The following INSC variants were observed in gnomAD, a reference collection of about 807,000 sequenced individuals.
INSC encodes INSC spindle orientation adaptor protein.
Under a neutral mutation model 58.6 loss-of-function variants are expected in INSC, and 67 were observed. That is an observed-to-expected ratio of 1.14 (90% CI 0.94 to 1.40). The LOEUF (loss-of-function observed/expected upper bound fraction) is 1.40, where lower values mean the gene tolerates loss of function less well. Among genes scored for constraint, INSC ranks in the 40% most tolerant of loss-of-function variants. The pLI is 0.00. For synonymous variants in INSC, 262 were observed against 276.1 expected, an observed-to-expected ratio of 0.95 and a Z score of 0.51; for missense variants, 714 against 692.0, an observed-to-expected ratio of 1.03 and a Z score of -0.36.
chr11:15,240,392 T>G, intron 11 of INSC, 55 bp from the exon 12 acceptor site: 1 of 1,495,484 alleles, frequency 6.7e-7, no homozygotes, highest in South Asian at 1.1e-5. Context: ...AACCTCTGGG[T>G]CAGGCCTGGC....
At chr11:15,153,669 A>T (rs992130670) in intron 2 of INSC, among the ~76,000 whole-genome samples, 1 of 152,244 alleles carries the variant, frequency 6.6e-6, no homozygotes, top group Admixed American at 6.5e-5. Context: ...GCAGAGGGAC[A>T]ATGATTCAAT....
chr11:15,211,806 C>T (rs906842929), intron 7 of INSC, among the ~76,000 whole-genome samples: 1 of 151,690 alleles, frequency 6.6e-6, no homozygotes, highest in Non-Finnish European at 1.5e-5. Flanking sequence ...TGAAGTGATA[C>T]CTTTTTCTTT....
the INSC span, among the ~76,000 whole-genome samples, chr11:15,254,258 A>T: frequency 2.0e-5 from 3 of 152,188 alleles, no homozygotes; most frequent in African/African-American, 4.8e-5. Flanking sequence ...GAAAGTAGGG[A>T]CTTAGTACCA....
At chr11:15,125,865 G>A (rs1847982707) in intron 1 of INSC, among the ~76,000 whole-genome samples, 1 of 152,118 alleles carries the variant, frequency 6.6e-6, no homozygotes, top group Admixed American at 6.5e-5. Context: ...TGTTTTAGGA[G>A]CCCTATGGGC....
chr11:15,184,595 C>T (rs1433298315), intron 5 of INSC: 4 of 152,606 alleles, frequency 2.6e-5, no homozygotes, highest in Non-Finnish European at 4.4e-5. Flanking sequence ...GGGGTTTCAC[C>T]ATGTTGGCCA....
chr11:15,230,898 A>G (rs1792543), intron 9 of INSC, among the ~76,000 whole-genome samples: 83,402 of 151,972 alleles, frequency 0.55, 24,343 homozygotes, highest in East Asian at 0.88. Context: ...CAGTCTTGCC[A>G]CTTTAGTAGT....
chr11:15,236,382 T>G (rs996769385), intron 10 of INSC, among the ~76,000 whole-genome samples: 3 of 152,162 alleles, frequency 2.0e-5, no homozygotes, highest in African/African-American at 7.2e-5. Context: ...AATCTATTCC[T>G]ACCAAGGGAT....
In INSC at chr11:15,235,632, C is replaced by G; in HGVS notation, c.1201C>G (p.Leu401Val). 6.2e-7 allele frequency: 1 copy of G among 1,614,020 alleles called. No individual in the cohort carries two copies. The highest frequency in any genetic ancestry group is 1.1e-5 in the South Asian group (1 of 91,074). ...IVTILANMSV[L>V]EQCASDIIQE... Reference sequence around the variant, plus strand: ...GACCATCTTGGCAAACATGTCTGTCCTAGAACAGTGTGCCTCTGACATCAT... The same window carrying G: ...GACCATCTTGGCAAACATGTCTGTCGTAGAACAGTGTGCCTCTGACATCAT... The change falls in exon 10 of 13, where the codon CTA becomes GTA. Residue 401 changes from leucine to valine, a missense_variant. Physicochemically the swap from Leu to Val is conservative, Grantham distance 32 (BLOSUM62 1). Coordinates refer to ENST00000379556, the MANE Select transcript of INSC (RefSeq NM_001042536.3).
rs116039991 is a variant in INSC at position 15,143,768 on chromosome 11, A to C, written c.-45-5362A>C. ...CAGGGAGGCAGTCATGAATGAAAAA[A>C]ATATGATGAGGGAAAGGGATGTATC... is the stretch of plus-strand genomic sequence containing the variant. On this transcript the variant is annotated intron_variant, in intron 1 of 12. Transcript: ENST00000379556. 5.4e-3 allele frequency among the ~76,000 whole-genome samples: 822 copies of C among 152,278 alleles called. 6 individuals carry two copies. Among genetic ancestry groups the C allele is most frequent in the African/African-American group, 0.018 (742 of 41,548 alleles).
intron 9 of INSC, among the ~76,000 whole-genome samples, chr11:15,233,703 TCCTTCCTTTACCTC>T (rs1852012326): frequency 6.6e-6 from 1 of 151,664 alleles, no homozygotes; most frequent in Non-Finnish European, 1.5e-5. Flanking sequence ...TGTCCTTCCT[TCCTTCCTTTACCTC>T]CCTTCCTCCC....
chr11:15,238,072 A>C (rs1852199188), intron 10 of INSC, among the ~76,000 whole-genome samples: 1 of 152,094 alleles, frequency 6.6e-6, no homozygotes, highest in South Asian at 2.1e-4. Flanking sequence ...CAGAAGATGA[A>C]CTTTTGCTAC....
chr11:15,198,138 CTT>C (rs1850439694), intron 6 of INSC, among the ~76,000 whole-genome samples: 1 of 152,280 alleles, frequency 6.6e-6, no homozygotes, highest in South Asian at 2.1e-4. Flanking sequence ...ATAAGACACT[CTT>C]ATAATCAGGA....
chr11:15,205,911 C>T (rs931867630), intron 7 of INSC, among the ~76,000 whole-genome samples: 2 of 152,156 alleles, frequency 1.3e-5, no homozygotes, highest in African/African-American at 4.8e-5. Context: ...GACACAGACA[C>T]CCAACAAGCA....
chr11:15,139,665 T>C (rs1274500874), intron 1 of INSC, among the ~76,000 whole-genome samples: 1 of 152,178 alleles, frequency 6.6e-6, no homozygotes, highest in Non-Finnish European at 1.5e-5. Flanking sequence ...TTATTATAGA[T>C]CCCATTTTAT....
rs1182429720 is a variant in INSC at position 15,177,109 on chromosome 11, A to C, written c.403-2A>C. The C allele has an allele frequency of 1.2e-6, 2 of 1,613,750 alleles. No individual in the cohort carries two copies. The highest frequency in any genetic ancestry group is 2.2e-5 in the East Asian group (1 of 44,878). On this transcript the variant is annotated splice_acceptor_variant, in intron 3 of 12. Transcript: ENST00000379556. LOFTEE classifies it high-confidence loss of function. ...GAATAAAATGGACTTATTTTTCTAC[A>C]GATTGAGAAGCTGCTAATGGAGAAA...
At chr11:15,223,853 C>T (rs959239836) in intron 8 of INSC, among the ~76,000 whole-genome samples, 2 of 152,162 alleles carry the variant, frequency 1.3e-5, no homozygotes, top group African/African-American at 4.8e-5. Flanking sequence ...GGATCAAGAG[C>T]TTGAATTATC....
At chr11:15,163,217 A>G (rs1849077468) in intron 2 of INSC, among the ~76,000 whole-genome samples, 1 of 152,214 alleles carries the variant, frequency 6.6e-6, no homozygotes, top group South Asian at 2.1e-4. Flanking sequence ...GATATAAAGT[A>G]TTGCTCTCAG....
At chr11:15,172,258 A>G (rs535172237) in intron 2 of INSC, among the ~76,000 whole-genome samples, 30 of 152,246 alleles carry the variant, frequency 2.0e-4, no homozygotes, top group African/African-American at 9.6e-5. Context: ...TTAGAACACA[A>G]TAATCACAGT....
At position 15,138,381 on chromosome 11, in the gene INSC, A is replaced by C. The variant is rs555233809; in HGVS notation, c.-45-10749A>C. ...TCCCAAACCTTCAATTTGTAAAAAA[A>C]AGAAAATAAAAAAGCAGTATCTGCA... is the stretch of plus-strand genomic sequence containing the variant. On this transcript the variant is annotated intron_variant, in intron 1 of 12. Coordinates refer to ENST00000379556, the MANE Select transcript of INSC (RefSeq NM_001042536.3). Among the ~76,000 whole-genome samples, 7 of 152,336 alleles carry C rather than the reference A, an allele frequency of 4.6e-5. No individual in the cohort carries two copies. In the East Asian group the frequency reaches 1.3e-3, roughly 29 times the overall value.
Sources: gnomAD v4.1 joint callset for allele counts (sites outside exome capture counted in the v4.1 genomes callset) on GRCh38, gnomAD v4.1.1 for gene constraint, MANE v1.5 for transcripts, NCBI Gene and HGNC (gene_info 2026-07-23, HGNC 2026-07-21) for gene names.